Variants in MARK4 observed in about 807,000 individuals in gnomAD.
MARK4 encodes MAP/microtubule affinity-regulating kinase 4.
MARK4 carries 19 observed loss-of-function variants against 81.5 expected under a neutral mutation model. The observed-to-expected ratio is 0.23, with a 90% CI of 0.16 to 0.34. The LOEUF is 0.34. MARK4 is among the 10% of genes least tolerant of loss of function. The pLI, the probability that MARK4 is intolerant of heterozygous loss-of-function variation, is 1.00. For missense variants in MARK4, 772 were observed against 1,058.8 expected, an observed-to-expected ratio of 0.73 and a Z score of 3.76; for synonymous variants, 436 against 439.0, an observed-to-expected ratio of 0.99 and a Z score of 0.08.
chr19:45,295,906 C>T lies in MARK4; in HGVS notation c.1598+1454C>T, dbSNP rs553375181. Among the ~76,000 whole-genome samples the T allele has an allele frequency of 2.9e-3, 444 of 152,074 alleles. 3 individuals carry two copies. Among genetic ancestry groups the T allele is most frequent in the Middle Eastern group, 6.8e-3 (2 of 294 alleles). ...GCCTTCATTCAGTGACTTGAGAGTG[C>T]TTTTTTTTGGTGGTTATCAAATAAC... On this transcript the variant is annotated intron_variant, in intron 14 of 16. Transcript: ENST00000262891.
At position 45,303,732 on chromosome 19, in the gene MARK4, G is replaced by A. The variant is rs1971012127; in HGVS notation, c.*1022G>A. The A allele has an allele frequency of 6.7e-6, 1 of 149,014 alleles. No individual in the cohort carries two copies. The highest frequency in any genetic ancestry group is 2.6e-5 in the African/African-American group (1 of 38,422). 9.2% of individuals were successfully genotyped at this position (149,014 alleles called of 1,614,324 possible). A position where few individuals can be genotyped will look rare whatever the true frequency, so the allele number is the denominator to read the frequency against. ...GCTGGACACAGAGACATGAAGCTCTGTCTGTGGGAGACAGGGATTCTGACA... is the reference window on the plus strand; with the variant it reads ...GCTGGACACAGAGACATGAAGCTCTATCTGTGGGAGACAGGGATTCTGACA... On this transcript the variant is annotated 3_prime_UTR_variant, in exon 17 of 17. Coordinates refer to ENST00000262891, the MANE Select transcript of MARK4 (RefSeq NM_001199867.2).
chr19:45,282,899 G>A (rs1328851187), intron 12 of MARK4, among the ~76,000 whole-genome samples: 1 of 151,840 alleles, frequency 6.6e-6, no homozygotes, highest in Non-Finnish European at 1.5e-5. Flanking sequence ...GGCTGAGGTA[G>A]GAAGACCACT....
chr19:45,289,132 A>G (rs1422959272), intron 13 of MARK4, among the ~76,000 whole-genome samples: 1 of 151,566 alleles, frequency 6.6e-6, no homozygotes, highest in Admixed American at 6.6e-5. Flanking sequence ...GCTCACGCCT[A>G]TAATCCCAGC....
chr19:45,276,278 T>G lies in MARK4; in HGVS notation c.787-1645T>G, dbSNP rs1327374888. ...ACGGGCTCAAGCGGTCTTCCCACCT[T>G]GGCCTCCCGAAGTGCTGGGATTATA... On this transcript the variant is annotated intron_variant, in intron 8 of 16. Transcript: ENST00000262891. Among the ~76,000 whole-genome samples the G allele has an allele frequency of 7.2e-5, 11 of 152,168 alleles. 1 individual carries two copies. Among genetic ancestry groups the G allele is most frequent in the Admixed American group, 7.2e-4 (11 of 15,266 alleles).
At position 45,302,581 on chromosome 19, in the gene MARK4, C is replaced by G. The variant is rs545979750; in HGVS notation, c.2130C>G (p.Ser710=). 30 of 1,577,012 alleles carry G rather than the reference C, an allele frequency of 1.9e-5. No homozygotes were observed. In the South Asian group the frequency reaches 3.2e-4, roughly 17 times the overall value. The change falls in exon 17 of 17, where the codon TCC becomes TCG. Residue 710 remains serine (S), a synonymous_variant. Coordinates refer to ENST00000262891, the MANE Select transcript of MARK4 (RefSeq NM_001199867.2). The surrounding 1 kb of genome is among the most constrained non-coding windows in gnomAD (Gnocchi z 4.9). ...HGGAGGPEPL[S]HFEVEVCQLP... is the part of the protein sequence containing the mutation. ...GTGCGGGCGGGCCCGAGCCCCTGTCCCACTTCGAAGTGGAGGTCTGCCAGC... is the reference window on the plus strand; with the variant it reads ...GTGCGGGCGGGCCCGAGCCCCTGTCGCACTTCGAAGTGGAGGTCTGCCAGC...
chr19:45,252,163 G>A (rs1266044718), intron 1 of MARK4, among the ~76,000 whole-genome samples: 2 of 151,764 alleles, frequency 1.3e-5, no homozygotes, highest in African/African-American at 2.4e-5. Flanking sequence ...CCTCCAGGAC[G>A]CACCCAGGGC....
chr19:45,264,620 A>T, intron 4 of MARK4, 64 bp from the exon 5 acceptor site: 1 of 1,490,260 alleles, frequency 6.7e-7, no homozygotes, highest in Non-Finnish European at 9.3e-7. Context: ...TTGCATAGTT[A>T]CTGAGGACAG....
chr19:45,287,708 G>C, intron 13 of MARK4, 44 bp downstream of exon 13: 2 of 1,577,098 alleles, frequency 1.3e-6, no homozygotes, highest in South Asian at 1.1e-5. Context: ...GCGCCACCTG[G>C]GCCACATTCC....
rs1181776226 is a variant in MARK4 at position 45,263,334 on chromosome 19, C to T, written c.322C>T (p.Arg108Cys). ...CCACGCCCAGCTGTTCCGAGAAGTC[C>T]GCATCATGAAGGGCCTAAACCACCC... ...SSLQKLFREV[R>C]IMKGLNHPNI... The change falls in exon 4 of 17, where the codon CGC becomes TGC. Residue 108 changes from arginine to cysteine, a missense_variant. By Grantham distance (180) the Arg-to-Cys change is radical (BLOSUM62 -3). This residue lies in a region of MARK4 where 109 missense variants were observed against 294.7 expected (regional missense o/e 0.37). Transcript: ENST00000262891. The T allele has an allele frequency of 3.7e-6, 6 of 1,614,072 alleles. No homozygotes were observed. Among genetic ancestry groups the T allele is most frequent in the Non-Finnish European group, 4.2e-6 (5 of 1,180,038 alleles).
In MARK4 at chr19:45,261,689, C is replaced by T. The variant is rs113959477; in HGVS notation, c.253-1424C>T. Among the ~76,000 whole-genome samples, 499 of 152,228 alleles carry T rather than the reference C, an allele frequency of 3.3e-3. 8 individuals carry two copies. The highest frequency in any genetic ancestry group is 0.011 in the African/African-American group (472 of 41,542). ...TGGCTCATGCCTGTAATCCCAGCACCTTGGGAGGCTCAGGCAGGCGGATCA... is the reference window on the plus strand; with the variant it reads ...TGGCTCATGCCTGTAATCCCAGCACTTTGGGAGGCTCAGGCAGGCGGATCA... On this transcript the variant is annotated intron_variant, in intron 2 of 16. Coordinates refer to ENST00000262891, the MANE Select transcript of MARK4 (RefSeq NM_001199867.2).
intron 7 of MARK4, among the ~76,000 whole-genome samples, chr19:45,269,613 G>A (rs1217949605): frequency 3.3e-5 from 5 of 152,154 alleles, no homozygotes; most frequent in Admixed American, 2.6e-4. Context: ...AGACGCGGGT[G>A]ACATTTTGAA....
chr19:45,272,616 G>A (rs1024038890), intron 8 of MARK4, among the ~76,000 whole-genome samples: 1 of 152,130 alleles, frequency 6.6e-6, no homozygotes, highest in Non-Finnish European at 1.5e-5. Context: ...TGGCCGGCCT[G>A]ATGGCTCACA....
Position 45,257,598 on chromosome 19 carries a change from A to G in MARK4, c.52-1391A>G, listed in dbSNP as rs545096801. On this transcript the variant is annotated intron_variant, in intron 1 of 16. Transcript: ENST00000262891. ...GGGGTTTCCCCGTGTTGGCCAGGCA[A>G]GTTTCACACTCTGACCTCAGGTGAT... Among the ~76,000 whole-genome samples, 126 of 151,758 alleles carry G rather than the reference A, an allele frequency of 8.3e-4. 1 individual carries two copies. The highest frequency in any genetic ancestry group is 2.9e-3 in the African/African-American group (121 of 41,348).
In MARK4 at chr19:45,299,064, T is replaced by TAA. The variant is rs59720430; in HGVS notation, c.1878-722_1878-721dup. Reference sequence around the variant, plus strand: ...TGGCAACAGAGGGAGAACCTGTCTCTAAAAAAAAAAAAAAAAAAAAAAAAA... The same window carrying TAA: ...TGGCAACAGAGGGAGAACCTGTCTCTAAAAAAAAAAAAAAAAAAAAAAAAAAA... On this transcript the variant is annotated intron_variant, in intron 15 of 16. Coordinates refer to ENST00000262891, the MANE Select transcript of MARK4 (RefSeq NM_001199867.2). Among the ~76,000 whole-genome samples the TAA allele has an allele frequency of 6.8e-3, 574 of 84,972 alleles. 4 individuals carry two copies. Among genetic ancestry groups the TAA allele is most frequent in the Non-Finnish European group, 9.8e-3 (482 of 49,182 alleles). 55.7% of individuals were successfully genotyped at this position (84,972 alleles called of 152,430 possible).
At chr19:45,258,617 T>G (rs1970339895) in intron 1 of MARK4, among the ~76,000 whole-genome samples, 1 of 151,902 alleles carries the variant, frequency 6.6e-6, no homozygotes, top group Non-Finnish European at 1.5e-5. Context: ...GGAAAATGGC[T>G]TGAACCCGGG....
At chr19:45,259,359 C>T (rs1229618476) in intron 2 of MARK4, among the ~76,000 whole-genome samples, 170 bp downstream of exon 2, 2 of 152,148 alleles carry the variant, frequency 1.3e-5, no homozygotes, top group Non-Finnish European at 2.9e-5. Context: ...GAACCACCCC[C>T]ATGGGAAAAG....
At chr19:45,287,214 A>AG (rs913245444) in intron 12 of MARK4, among the ~76,000 whole-genome samples, 3 of 151,862 alleles carry the variant, frequency 2.0e-5, no homozygotes, top group African/African-American at 7.3e-5. Flanking sequence ...AAAAAAAAAA[A>AG]AAAAAAAAGA....
Position 45,287,107 on chromosome 19 carries a change from G to C in MARK4, c.1277-340G>C, listed in dbSNP as rs554000959. On this transcript the variant is annotated intron_variant, in intron 12 of 16. Coordinates refer to ENST00000262891, the MANE Select transcript of MARK4 (RefSeq NM_001199867.2). ...TAATTCCAGCTACTTGGGAGGCTGA[G>C]GCAGGAGAATTGCTTGAACCCAGGA... 1.2e-4 allele frequency among the ~76,000 whole-genome samples: 18 copies of C among 151,832 alleles called. No individual in the cohort carries two copies. The East Asian group carries it at 3.5e-3, about 29-fold the overall frequency.
intron 8 of MARK4, among the ~76,000 whole-genome samples, chr19:45,277,005 C>T (rs1970606630): frequency 6.6e-6 from 1 of 152,020 alleles, no homozygotes; most frequent in Non-Finnish European, 1.5e-5. Context: ...TAATCCCTTT[C>T]ACGGATAAGG....
Sources: gnomAD v4.1 joint callset for allele counts (sites outside exome capture counted in the v4.1 genomes callset) on GRCh38, gnomAD v4.1.1 for gene constraint, gnomAD v4.1.1 regional missense constraint, Gnocchi (gnomAD v3.1) non-coding constraint, MANE v1.5 for transcripts, NCBI Gene and HGNC (gene_info 2026-07-23, HGNC 2026-07-21) for gene names.